CCDC146: variants seen among roughly 807,000 people sequenced by gnomAD.
CCDC146 encodes coiled-coil domain-containing protein 146.
Under a neutral mutation model 119.3 loss-of-function variants are expected in CCDC146, and 92 were observed. The ratio of observed to expected loss-of-function variants is 0.77; its 90% confidence interval spans 0.65 to 0.92. The LOEUF is 0.92. CCDC146 is among the 40% of genes least tolerant of loss of function. The pLI is 0.00. For synonymous variants in CCDC146, 372 were observed against 371.8 expected, an observed-to-expected ratio of 1.00 and a Z score of -0.01; for missense variants, 1,000 against 1,103.0, an observed-to-expected ratio of 0.91 and a Z score of 1.32.
At chr7:77,160,677 C>G (rs541124726) in intron 1 of CCDC146, among the ~76,000 whole-genome samples, 1 of 152,032 alleles carries the variant, frequency 6.6e-6, no homozygotes, top group Non-Finnish European at 1.5e-5. Context: ...GGGCTGAGAC[C>G]ATGGGGTTTT....
chr7:77,149,512 T>C (rs1479561522), intron 1 of CCDC146, among the ~76,000 whole-genome samples: 1 of 152,140 alleles, frequency 6.6e-6, no homozygotes, highest in Non-Finnish European at 1.5e-5. Flanking sequence ...ATGTCTGTAA[T>C]CCCAGCACTT....
chr7:77,291,899 T>A (rs1260478187), intron 17 of CCDC146, among the ~76,000 whole-genome samples: 1 of 152,256 alleles, frequency 6.6e-6, no homozygotes. Context: ...GAACTTCTGC[T>A]GATTATCTTA....
intron 1 of CCDC146, among the ~76,000 whole-genome samples, chr7:77,141,674 G>A (rs1027448180): frequency 5.9e-5 from 9 of 152,220 alleles, no homozygotes; most frequent in African/African-American, 1.7e-4. Context: ...GACCAGTGAT[G>A]ATGAGCTTTT....
intron 2 of CCDC146, among the ~76,000 whole-genome samples, chr7:77,168,278 G>T (rs1302919109): frequency 6.6e-6 from 1 of 151,768 alleles, no homozygotes; most frequent in Non-Finnish European, 1.5e-5. Flanking sequence ...AGGGGAATAT[G>T]ATGAATTATA....
At chr7:77,272,818 C>G (rs1793551921) in intron 9 of CCDC146, among the ~76,000 whole-genome samples, 1 of 152,094 alleles carries the variant, frequency 6.6e-6, no homozygotes, top group Non-Finnish European at 1.5e-5. Flanking sequence ...TACGTCAACA[C>G]AGGAGAAAAG....
At chr7:77,286,659 G>A (rs1793853514) in intron 15 of CCDC146, 139 bp from the exon 16 acceptor site, 3 of 724,780 alleles carry the variant, frequency 4.1e-6, no homozygotes, top group South Asian at 3.6e-5. Flanking sequence ...CAGCTGATGG[G>A]GTGTTAAGAA....
In CCDC146 at chr7:77,286,836, AC is replaced by A; in HGVS notation, c.2188del (p.Gln730SerfsTer3). 2 of 1,613,948 alleles carry A rather than the reference AC, an allele frequency of 1.2e-6. No homozygotes were observed. Among genetic ancestry groups the A allele is most frequent in the Non-Finnish European group, 1.7e-6 (2 of 1,179,776 alleles). Reference sequence around the variant, plus strand: ...CAGACAGAATTAAAGACCTGGAGAAACAGTTCGTAAAGCCTGATGGTGAGAA... The same window carrying A: ...CAGACAGAATTAAAGACCTGGAGAAAAGTTCGTAAAGCCTGATGGTGAGAA... ...CTDRIKDLEK[Q>X]FVKPDGENRA... On this transcript the variant is annotated frameshift_variant, in exon 16 of 19. Coordinates refer to ENST00000285871, the MANE Select transcript of CCDC146 (RefSeq NM_020879.3). LOFTEE classifies it high-confidence loss of function.
intron 9 of CCDC146, among the ~76,000 whole-genome samples, chr7:77,269,714 C>T (rs1793474020): frequency 6.6e-6 from 1 of 152,216 alleles, no homozygotes; most frequent in African/African-American, 2.4e-5. Flanking sequence ...ACTAAGCACC[C>T]ATAGAATATA....
intron 2 of CCDC146, among the ~76,000 whole-genome samples, chr7:77,200,398 T>C (rs946117538): frequency 3.3e-5 from 5 of 152,206 alleles, no homozygotes; most frequent in African/African-American, 4.8e-5. Context: ...AGAAAACTAG[T>C]GGAGAAAAAA....
At chr7:77,243,981 C>A (rs1176502649) in intron 4 of CCDC146, among the ~76,000 whole-genome samples, 5 of 152,174 alleles carry the variant, frequency 3.3e-5, no homozygotes, top group African/African-American at 1.2e-4. Flanking sequence ...TGGGTTCAAG[C>A]AATTCTCTGC....
intron 1 of CCDC146, among the ~76,000 whole-genome samples, chr7:77,164,719 T>C (rs912709147): frequency 6.6e-6 from 1 of 152,222 alleles, no homozygotes; most frequent in Non-Finnish European, 1.5e-5. Context: ...TTTACTAATT[T>C]TACCCCATTT....
intron 2 of CCDC146, among the ~76,000 whole-genome samples, chr7:77,207,772 GT>G (rs1284719758): frequency 7.2e-5 from 11 of 152,198 alleles, no homozygotes; most frequent in African/African-American, 2.4e-4. Context: ...TTAGAGATCT[GT>G]AAGGTCCTTT....
In CCDC146 at chr7:77,260,752, G is replaced by A. The variant is rs191949757; in HGVS notation, c.986+516G>A. Among the ~76,000 whole-genome samples, 942 of 151,862 alleles carry A rather than the reference G, an allele frequency of 6.2e-3. 13 individuals are homozygous for A. Among genetic ancestry groups the A allele is most frequent in the African/African-American group, 0.02 (832 of 41,390 alleles). ...AGTGATTCTCCTGCCTCAGCCTCCC[G>A]AGTAGTTGGGACTACATGTGCGCAC... On this transcript the variant is annotated intron_variant, in intron 8 of 18. Coordinates refer to ENST00000285871, the MANE Select transcript of CCDC146 (RefSeq NM_020879.3).
chr7:77,172,537 T>C (rs367899853), intron 2 of CCDC146, among the ~76,000 whole-genome samples: 1 of 152,226 alleles, frequency 6.6e-6, no homozygotes, highest in African/African-American at 2.4e-5. Flanking sequence ...TTGCAATGCA[T>C]GGGTGTCATG....
At chr7:77,214,860 A>T in intron 2 of CCDC146, among the ~76,000 whole-genome samples, 1 of 152,116 alleles carries the variant, frequency 6.6e-6, no homozygotes, top group East Asian at 1.9e-4. Context: ...TGAATTCACA[A>T]AATGGGATGC....
At chr7:77,219,984 G>T (rs1477124315) in intron 2 of CCDC146, among the ~76,000 whole-genome samples, 2 of 152,204 alleles carry the variant, frequency 1.3e-5, no homozygotes, top group Non-Finnish European at 2.9e-5. Flanking sequence ...TCCATGTCCT[G>T]CTGGGCACAC....
In CCDC146 at chr7:77,196,367, G is replaced by A. The variant is rs1200425894; in HGVS notation, c.156+28543G>A. ...ACCAGGGTGTGCCTCACTTACACCAGGCCAGGTACCCCAGAAAATCCCATT... is the reference window on the plus strand; with the variant it reads ...ACCAGGGTGTGCCTCACTTACACCAAGCCAGGTACCCCAGAAAATCCCATT... On this transcript the variant is annotated intron_variant, in intron 2 of 18. Transcript: ENST00000285871. The surrounding 1 kb of genome is among the most constrained non-coding windows in gnomAD (Gnocchi z 4.2). 6.2e-7 allele frequency: 1 copy of A among 1,614,080 alleles called. No homozygotes were observed. Among genetic ancestry groups the A allele is most frequent in the Admixed American group, 1.7e-5 (1 of 60,018 alleles).
At chr7:77,219,950 C>T (rs115603082) in intron 2 of CCDC146, among the ~76,000 whole-genome samples, 6,776 of 152,078 alleles carry the variant, frequency 0.045, 417 homozygotes, top group East Asian at 0.14. Context: ...AAGTCCAGGG[C>T]GAAACTAGAA....
At chr7:77,205,342 C>G (rs1170088952) in intron 2 of CCDC146, among the ~76,000 whole-genome samples, 1 of 151,910 alleles carries the variant, frequency 6.6e-6, no homozygotes, top group African/African-American at 2.4e-5. Flanking sequence ...TTAAAGACAC[C>G]CTATTTAATA....
Sources: allele counts gnomAD v4.1 joint callset (sites outside exome capture counted in the v4.1 genomes callset), GRCh38; gene constraint gnomAD v4.1.1; non-coding constraint Gnocchi (gnomAD v3.1); transcripts MANE v1.5; gene names NCBI Gene and HGNC (gene_info 2026-07-23, HGNC 2026-07-21).